RAD50: variants seen among roughly 807,000 people sequenced by gnomAD.
RAD50 encodes RAD50 double strand break repair protein, also known as DNA repair protein RAD50.
Under a neutral mutation model 168.8 loss-of-function variants are expected in RAD50, and 132 were observed. The observed-to-expected ratio is 0.78, with a 90% CI of 0.68 to 0.90. RAD50 has a LOEUF of 0.90. Ranked by LOEUF, RAD50 falls within the 40% of genes least tolerant of loss-of-function variation. RAD50 has a pLI of 0.00. For synonymous variants in RAD50, 525 were observed against 497.4 expected, an observed-to-expected ratio of 1.06 and a Z score of -0.74; for missense variants, 1,347 against 1,534.4, an observed-to-expected ratio of 0.88 and a Z score of 2.04.
At chr5:132,608,750 T>G in intron 17 of RAD50, 25 bp downstream of exon 17, 1 of 1,554,996 alleles carries the variant, frequency 6.4e-7, no homozygotes, top group South Asian at 1.2e-5. Context: ...ATATATTTAC[T>G]TATCAAATAT....
At chr5:132,591,783 C>A in intron 10 of RAD50, 94 bp from the exon 11 acceptor site, 1 of 922,638 alleles carries the variant, frequency 1.1e-6, no homozygotes, top group Non-Finnish European at 1.6e-6. Context: ...TAGTTTTAAG[C>A]TTAGAACTTT....
At chr5:132,616,477 A>G (rs537471876) in intron 20 of RAD50, among the ~76,000 whole-genome samples, 1 of 152,242 alleles carries the variant, frequency 6.6e-6, no homozygotes, top group Non-Finnish European at 1.5e-5. Context: ...TGTACAGTCT[A>G]TAATATTGTC....
rs1581020275 is a variant in RAD50, at chr5:132,637,186, C to T, written c.3461C>T (p.Thr1154Ile). 1.2e-6 allele frequency: 2 copies of T among 1,611,624 alleles called. No individual in the cohort carries two copies. The highest frequency in any genetic ancestry group is 1.7e-6 in the Non-Finnish European group (2 of 1,178,602). The change falls in exon 22 of 25, where the codon ACC (threonine) becomes ATC (isoleucine). Residue 1154 changes from threonine to isoleucine, a missense_variant. Thr to Ile is a moderately conservative substitution (Grantham distance 89). Coordinates refer to ENST00000378823, the MANE Select transcript of RAD50 (RefSeq NM_005732.4). ...ATTATACGTGACCTGTGGCGAAGTACCTATCGTGGACAAGGTGAGTACCAT... is the reference window on the plus strand; with the variant it reads ...ATTATACGTGACCTGTGGCGAAGTATCTATCGTGGACAAGGTGAGTACCAT... Reference protein sequence around the residue: ...NKIIRDLWRSTYRGQDIEYIE... With the variant: ...NKIIRDLWRSIYRGQDIEYIE...
rs1581009380 is a variant in RAD50 at position 132,618,099 on chromosome 5, A to G, written c.3194A>G (p.Asp1065Gly). 6.2e-7 allele frequency: 1 copy of G among 1,613,620 alleles called. No homozygotes were observed. Among genetic ancestry groups the G allele is most frequent in the Non-Finnish European group, 8.5e-7 (1 of 1,179,702 alleles). ...CATCAGAAGTTGGAAGAGAACATAG[A>G]CAATATAAAAAGAAATCATAATTTG... ...SEHQKLEENI[D>G]NIKRNHNLAL... The change falls in exon 21 of 25, where the codon GAC (aspartate) becomes GGC (glycine). Residue 1065 changes from aspartate (D) to glycine (G), a missense_variant. By Grantham distance (94) the Asp-to-Gly change is moderately conservative (BLOSUM62 -1). Around this residue, in one of 3 missense-constraint regions of RAD50, gnomAD observed 635 missense variants for 739.2 expected, o/e 0.86. Coordinates refer to ENST00000378823, the MANE Select transcript of RAD50 (RefSeq NM_005732.4).
chr5:132,613,913 TGATA>T (rs1251378683), intron 19 of RAD50, among the ~76,000 whole-genome samples: 15 of 152,274 alleles, frequency 9.9e-5, no homozygotes, highest in African/African-American at 3.4e-4. Flanking sequence ...TAGTTCTTTA[TGATA>T]GATAGTATCA....
intron 2 of RAD50, among the ~76,000 whole-genome samples, chr5:132,573,631 T>C (rs909896767): frequency 6.6e-6 from 1 of 152,174 alleles, no homozygotes; most frequent in Non-Finnish European, 1.5e-5. Context: ...TATTTTAGCA[T>C]TAATTCAGAA....
chr5:132,630,116 C>G (rs926516988), intron 21 of RAD50, among the ~76,000 whole-genome samples: 1 of 151,304 alleles, frequency 6.6e-6, no homozygotes, highest in Non-Finnish European at 1.5e-5. Flanking sequence ...GATCTCAGCT[C>G]ACTGCCATCT....
chr5:132,644,507 C>G lies in RAD50; in HGVS notation c.*2143C>G, dbSNP rs756275978. 6.1e-5 allele frequency: 11 copies of G among 180,020 alleles called. No homozygotes were observed. Among genetic ancestry groups the G allele is most frequent in the Non-Finnish European group, 1.2e-4 (10 of 84,182 alleles). The allele number at this position is 180,020 out of a possible 1,614,324, so 11.2% of individuals were successfully genotyped here. On this transcript the variant is annotated 3_prime_UTR_variant, in exon 25 of 25. Transcript: ENST00000378823. ...ATATGTAAAAGTGGGTAAAATGGTA[C>G]ATATTTTGTAGGGTTGTTATGAAGA...
At position 132,591,986 on chromosome 5, in the gene RAD50, G is replaced by A. The variant is rs771046832; in HGVS notation, c.1745G>A (p.Ser582Asn). The stretch of plus-strand genomic sequence containing the variant: ...AAACAGCTTGAAGACTGGCTACATA[G>A]TAAATCAAAAGAAATTAATCAGACC... ...NKKQLEDWLH[S>N]KSKEINQTRD... is the part of the protein sequence containing the mutation. The change falls in exon 11 of 25, where the codon AGT becomes AAT. Residue 582 changes from serine (S) to asparagine (N), a missense_variant. Ser to Asn is a conservative substitution (Grantham distance 46). Transcript: ENST00000378823. 2 of 1,613,128 alleles carry A rather than the reference G, an allele frequency of 1.2e-6. No individual in the cohort carries two copies. The highest frequency in any genetic ancestry group is 1.7e-6 in the Non-Finnish European group (2 of 1,179,398).
chr5:132,594,149 C>T (rs1750749341), intron 11 of RAD50, among the ~76,000 whole-genome samples: 1 of 152,148 alleles, frequency 6.6e-6, no homozygotes, highest in Non-Finnish European at 1.5e-5. Flanking sequence ...AGCATGTGTG[C>T]AGTCACACAC....
intron 21 of RAD50, among the ~76,000 whole-genome samples, chr5:132,632,957 CTCTT>C (rs1751502467): frequency 6.6e-6 from 1 of 152,084 alleles, no homozygotes; most frequent in African/African-American, 2.4e-5. Context: ...CTATTCATAT[CTCTT>C]TGCCAGTTTT....
At chr5:132,626,639 G>C (rs576570658) in intron 21 of RAD50, among the ~76,000 whole-genome samples, 16 of 152,226 alleles carry the variant, frequency 1.1e-4, no homozygotes, top group African/African-American at 3.9e-4. Context: ...GTAGGTTTCT[G>C]TTCCCATTTA....
In RAD50 at chr5:132,588,064, A is replaced by G. The variant is rs140079790; in HGVS notation, c.1026A>G (p.Glu342=). The part of the protein sequence containing the change: ...LNKESRLLNQ[E]KSELLVEQGR... ...AAGAATCTAGGCTTCTCAATCAGGA[A>G]AAATCAGAACTGCTTGTTGAACAGG... The change falls in exon 7 of 25, where the codon GAA becomes GAG. Residue 342 remains glutamate, a synonymous_variant. Coordinates refer to ENST00000378823, the MANE Select transcript of RAD50 (RefSeq NM_005732.4). 4.5e-5 allele frequency: 73 copies of G among 1,612,792 alleles called. No individual in the cohort carries two copies. The highest frequency in any genetic ancestry group is 5.8e-5 in the Non-Finnish European group (68 of 1,179,074).
chr5:132,561,778 A>T (rs1370239843), intron 2 of RAD50, among the ~76,000 whole-genome samples: 1 of 152,128 alleles, frequency 6.6e-6, no homozygotes, highest in Non-Finnish European at 1.5e-5. Context: ...CAGCTCTGTT[A>T]CTACCTCAGT....
intron 2 of RAD50, among the ~76,000 whole-genome samples, chr5:132,568,505 C>T (rs1181408009): frequency 6.6e-6 from 1 of 152,162 alleles, no homozygotes; most frequent in East Asian, 1.9e-4. Flanking sequence ...AAGCTGAATG[C>T]ATCACAAGCA....
Position 132,575,947 on chromosome 5 carries a change from T to C in RAD50, c.365+19T>C, listed in dbSNP as rs773164051. 1.3e-6 allele frequency: 2 copies of C among 1,581,716 alleles called. No individual in the cohort carries two copies. The highest frequency in any genetic ancestry group is 1.7e-6 in the Non-Finnish European group (2 of 1,156,286). ...GAACAAAGTAGGTGTTTATATGATA[T>C]TTGAATTTCTGTTCATTTTCAGTCT... On this transcript the variant is annotated intron_variant, in intron 3 of 24. Coordinates refer to ENST00000378823, the MANE Select transcript of RAD50 (RefSeq NM_005732.4).
At chr5:132,585,763 C>T (rs60006311) in intron 5 of RAD50, among the ~76,000 whole-genome samples, 2,201 of 152,054 alleles carry the variant, frequency 0.014, 67 homozygotes, top group African/African-American at 0.051. Flanking sequence ...ACTCACCACA[C>T]CGGTGAGACT....
intron 19 of RAD50, among the ~76,000 whole-genome samples, chr5:132,611,660 C>T (rs1302225314): frequency 3.4e-5 from 5 of 145,556 alleles, no homozygotes; most frequent in Non-Finnish European, 6.0e-5. Flanking sequence ...GAGCCGAGAT[C>T]GCACCACTGC....
At chr5:132,608,385 A>G (rs1384761287) in intron 16 of RAD50, among the ~76,000 whole-genome samples, 3 of 152,154 alleles carry the variant, frequency 2.0e-5, no homozygotes, top group African/African-American at 7.2e-5. Flanking sequence ...TGGCTGCTTC[A>G]TTTACTGGCT....
Sources: allele counts gnomAD v4.1 joint callset (sites outside exome capture counted in the v4.1 genomes callset), GRCh38; gene constraint gnomAD v4.1.1; regional missense constraint gnomAD v4.1.1; transcripts MANE v1.5; gene names NCBI Gene and HGNC (gene_info 2026-07-23, HGNC 2026-07-21).